The following PHLDB1 variants were observed in gnomAD, a reference collection of about 807,000 sequenced individuals.
PHLDB1 encodes pleckstrin homology like domain family B member 1, also known as pleckstrin homology-like domain family B member 1.
In PHLDB1, 65 loss-of-function variants were observed where a neutral mutation model predicts 139.3. The ratio of observed to expected loss-of-function variants is 0.47; its 90% CI spans 0.38 to 0.57. The LOEUF (loss-of-function observed/expected upper bound fraction) is 0.57. PHLDB1 is among the 20% of genes least tolerant of loss of function. The probability of loss-of-function intolerance (pLI) is 0.00; values close to 1 mark genes in which losing one functional copy is unlikely to be tolerated. For missense variants in PHLDB1, 1,624 were observed against 1,839.7 expected (o/e 0.88, Z 2.14); for synonymous variants, 679 against 734.5 (o/e 0.92, Z 1.22).
chr11:118,627,548 T>C lies in PHLDB1; in HGVS notation c.725T>C (p.Met242Thr). ...TCTCCCCCAACCAGCCCCGGCGCCA[T>C]GTCTGTGGGCTCCAGCTATGAGAAC... ...LLSPPTSPGA[M>T]SVGSSYENTS... is the part of the protein sequence containing the mutation. Residue 242 changes from methionine to threonine, a missense_variant, in exon 6 of 23, where the codon ATG becomes ACG. Met to Thr is a moderately conservative substitution (Grantham distance 81). Coordinates refer to ENST00000600882, the MANE Select transcript of PHLDB1 (RefSeq NM_001144758.3). 6.2e-7 allele frequency: 1 copy of C among 1,613,462 alleles called. No individual in the cohort carries two copies. The highest frequency in any genetic ancestry group is 8.5e-7 in the Non-Finnish European group (1 of 1,179,778).
Position 118,650,902 on chromosome 11 carries a change from G to A in PHLDB1, c.3874+355G>A, listed in dbSNP as rs540915910. On this transcript the variant is annotated intron_variant, in intron 20 of 22. Transcript: ENST00000600882. The surrounding 1 kb of genome is among the most constrained non-coding windows in gnomAD (Gnocchi z 4.7). ...TGGGTATGCTGATAGGAGACATCCA[G>A]GCACTGCAGGAGCATGGGGTCTTAT... 1.0e-5 allele frequency: 3 copies of A among 288,184 alleles called. No homozygotes were observed. The highest frequency in any genetic ancestry group is 2.0e-5 in the Non-Finnish European group (3 of 149,822). The allele number at this position is 288,184 out of a possible 1,614,324, so 17.9% of individuals were successfully genotyped here.
At chr11:118,656,552 TG>T in intron 22 of PHLDB1, 130 bp from the exon 23 acceptor site, 1 of 769,642 alleles carries the variant, frequency 1.3e-6, no homozygotes, top group Non-Finnish European at 2.1e-6. Context: ...GTCTAGGCTC[TG>T]GACCTATTTA....
At position 118,613,842 on chromosome 11, in the gene PHLDB1, C is replaced by A. The variant is rs201929347; in HGVS notation, c.6C>A (p.Asp2Glu). Residue 2 changes from aspartate to glutamate, a missense_variant, in exon 2 of 23, where the codon GAC becomes GAA. Asp to Glu is a conservative substitution (Grantham distance 45). Coordinates refer to ENST00000600882, the MANE Select transcript of PHLDB1 (RefSeq NM_001144758.3). M[D>E]ALNRNQIGPG... ...AGCTCTGGAGCCTTAGGACCATGGA[C>A]GCTCTCAATAGGAACCAAATAGGCC... The A allele has an allele frequency of 2.0e-5, 32 of 1,611,792 alleles. No homozygotes were observed. Among genetic ancestry groups the A allele is most frequent in the Non-Finnish European group, 7.6e-6 (9 of 1,178,320 alleles).
intron 18 of PHLDB1, among the ~76,000 whole-genome samples, 193 bp downstream of exon 18, chr11:118,648,269 TTGTGTGTGTGTGTGTGTGTGTGTGTG>T (rs71041842): frequency 0.013 from 1,626 of 125,582 alleles, 47 homozygotes; most frequent in African/African-American, 0.048. Context: ...ACTATTCAAG[TTGTGTGTGTGTGTGTGTGTGTGTGTG>T]TGTGTGTGTG....
chr11:118,613,490 A>G, intron 1 of PHLDB1: 1 of 1,031,410 alleles, frequency 9.7e-7, no homozygotes, highest in African/African-American at 1.7e-5. Flanking sequence ...CACAGGGCCA[A>G]GGGTCTTCAG....
chr11:118,644,698 C>G, intron 15 of PHLDB1: 1 of 1,289,168 alleles, frequency 7.8e-7, no homozygotes, highest in South Asian at 1.2e-5. Context: ...GCAGGTAGAA[C>G]GTTGGTCATA....
At chr11:118,641,745 G>A (rs1210887709) in intron 12 of PHLDB1, 1 of 1,289,710 alleles carries the variant, frequency 7.8e-7, no homozygotes, top group African/African-American at 1.5e-5. Context: ...CTCCCATGCT[G>A]CCCTCCTCCT....
rs1221253277 is a variant in PHLDB1 at position 118,650,855 on chromosome 11, CAA to C, written c.3874+309_3874+310del. 1.3e-5 allele frequency: 5 copies of C among 390,212 alleles called. No individual in the cohort carries two copies. The highest frequency in any genetic ancestry group is 2.0e-5 in the African/African-American group (1 of 48,914). 24.2% of individuals were successfully genotyped at this position (390,212 alleles called of 1,614,324 possible). ...TGGAGCTTATAATCAGGGAAGCAGA[CAA>C]GAGTGATAACCACGCACAATGGGTA... On this transcript the variant is annotated intron_variant, in intron 20 of 22. Transcript: ENST00000600882. This position sits in a 1 kb window ranked among gnomAD's most constrained non-coding sequence, Gnocchi z 4.7.
At chr11:118,625,510 G>C (rs1943701336) in intron 5 of PHLDB1, among the ~76,000 whole-genome samples, 1 of 152,350 alleles carries the variant, frequency 6.6e-6, no homozygotes, top group East Asian at 1.9e-4. Context: ...CAGTGGAGCA[G>C]CTGTATTTTG....
rs1247204251 is a variant in PHLDB1 at position 118,627,349 on chromosome 11, G to T, written c.526G>T (p.Ala176Ser). 6.2e-7 allele frequency: 1 copy of T among 1,613,976 alleles called. No individual in the cohort carries two copies. The highest frequency in any genetic ancestry group is 8.5e-7 in the Non-Finnish European group (1 of 1,179,930). Residue 176 changes from alanine (A) to serine (S), a missense_variant, in exon 6 of 23, where the codon GCA becomes TCA. Ala to Ser is a moderately conservative substitution (Grantham distance 99). Coordinates refer to ENST00000600882, the MANE Select transcript of PHLDB1 (RefSeq NM_001144758.3). ...LVNGNHTPQT[A>S]TRGPSACASH... ...AAATGGGAACCACACCCCACAGACT[G>T]CAACACGGGGACCCTCTGCCTGTGC...
Position 118,614,571 on chromosome 11 carries a change from G to GACCTGATCGAGACAGGCAAAGGGCTGAAA in PHLDB1, c.74_102dup (p.Val35ThrfsTer2). ...GTACTACCTACAGAAAGGACCCTTG[G>GACCTGATCGAGACAGGCAAAGGGCTGAAA]ACCTGATCGAGACAGGCAAAGGGCT... On this transcript the variant is annotated frameshift_variant, in exon 3 of 23. Transcript: ENST00000600882. LOFTEE classifies it high-confidence loss of function. 6.2e-7 allele frequency: 1 copy of GACCTGATCGAGACAGGCAAAGGGCTGAAA among 1,613,908 alleles called. No homozygotes were observed. Among genetic ancestry groups the GACCTGATCGAGACAGGCAAAGGGCTGAAA allele is most frequent in the Non-Finnish European group, 8.5e-7 (1 of 1,179,938 alleles).
intron 17 of PHLDB1, chr11:118,647,202 T>C (rs1353755712): frequency 6.6e-6 from 1 of 152,216 alleles, no homozygotes; most frequent in Admixed American, 6.5e-5. Flanking sequence ...CAGTTAGTGA[T>C]TGGGAAAGGA....
intron 15 of PHLDB1, chr11:118,644,669 C>T (rs1947164999): frequency 1.6e-6 from 2 of 1,289,864 alleles, no homozygotes; most frequent in African/African-American, 1.5e-5. Flanking sequence ...CCGCCGAGCC[C>T]CTCCCAACCG....
chr11:118,630,725 A>C (rs782221211), intron 6 of PHLDB1, among the ~76,000 whole-genome samples: 45 of 152,104 alleles, frequency 3.0e-4, no homozygotes, highest in Non-Finnish European at 4.7e-4. Context: ...CCTGTGCATC[A>C]GTGCTGGTGT....
intron 5 of PHLDB1, among the ~76,000 whole-genome samples, chr11:118,626,173 C>A (rs868982276): frequency 3.7e-4 from 57 of 152,152 alleles, no homozygotes; most frequent in African/African-American, 1.4e-3. Context: ...CTAGCTCCCT[C>A]CCCTGCCTCT....
Position 118,650,197 on chromosome 11 carries a change from C to T in PHLDB1, c.3771+4C>T, listed in dbSNP as rs1195193037. The T allele has an allele frequency of 5.6e-6, 9 of 1,603,734 alleles. No homozygotes were observed. Among genetic ancestry groups the T allele is most frequent in the Non-Finnish European group, 7.7e-6 (9 of 1,170,688 alleles). The stretch of plus-strand genomic sequence containing the variant: ...GCACGTGGTGCTCAGCAGCAAGGTA[C>T]AAGGCGTGTGTGGCCCTGGGGTGCT... On this transcript the variant is annotated splice_donor_region_variant and intron_variant, in intron 19 of 22. Transcript: ENST00000600882. The surrounding 1 kb of genome is among the most constrained non-coding windows in gnomAD (Gnocchi z 4.7).
intron 6 of PHLDB1, 115 bp downstream of exon 6, chr11:118,628,765 G>T: frequency 2.2e-6 from 2 of 900,730 alleles, no homozygotes; most frequent in East Asian, 2.7e-5. Flanking sequence ...GCTTCTCAAG[G>T]TTCCCCACCT....
At chr11:118,652,181 C>T (rs1948443169) in intron 20 of PHLDB1, 1 of 152,226 alleles carries the variant, frequency 6.6e-6, no homozygotes, top group Non-Finnish European at 1.5e-5. Context: ...CCCCCCTAAC[C>T]TGGTCCCTGA....
chr11:118,615,194 C>CAAAAAAAAA (rs71041841), intron 3 of PHLDB1: 2 of 65,564 alleles, frequency 3.1e-5, no homozygotes, highest in Non-Finnish European at 2.8e-5. Context: ...GACTCTATCT[C>CAAAAAAAAA]AAAAAAAAAA....
Sources: allele counts gnomAD v4.1 joint callset (sites outside exome capture counted in the v4.1 genomes callset), GRCh38; gene constraint gnomAD v4.1.1; non-coding constraint Gnocchi (gnomAD v3.1); transcripts MANE v1.5; gene names NCBI Gene and HGNC (gene_info 2026-07-23, HGNC 2026-07-21).